MGAT4C: variants seen among roughly 807,000 people sequenced by gnomAD.
MGAT4C encodes alpha-1,3-mannosyl-glycoprotein 4-beta-N-acetylglucosaminyltransferase C.
MGAT4C carries 19 observed loss-of-function variants against 40.1 expected under a neutral mutation model. The ratio of observed to expected loss-of-function variants is 0.47; its 90% CI spans 0.33 to 0.70. The LOEUF (loss-of-function observed/expected upper bound fraction) is 0.70. Among genes scored for constraint, MGAT4C ranks in the 30% least tolerant of loss-of-function variants. The probability of loss-of-function intolerance (pLI) is 0.02; values close to 1 mark genes in which losing one functional copy is unlikely to be tolerated. For missense variants in MGAT4C, 491 were observed against 563.2 expected, an observed-to-expected ratio of 0.87 and a Z score of 1.30; for synonymous variants, 181 against 187.1, an observed-to-expected ratio of 0.97 and a Z score of 0.27.
intron 1 of MGAT4C, among the ~76,000 whole-genome samples, chr12:86,158,678 G>A (rs987663715): frequency 1.3e-5 from 2 of 152,116 alleles, no homozygotes; most frequent in African/African-American, 4.8e-5. Flanking sequence ...AAGGTCATAT[G>A]TAAGTTACAC....
At chr12:86,434,468 T>C (rs1043071420) in intron 3 of MGAT4C, among the ~76,000 whole-genome samples, 5 of 151,948 alleles carry the variant, frequency 3.3e-5, no homozygotes, top group African/African-American at 1.2e-4. Flanking sequence ...ATGCTCTCAA[T>C]ATTTATTGTC....
intron 1 of MGAT4C, among the ~76,000 whole-genome samples, chr12:86,075,294 A>G (rs1291189395): frequency 6.6e-6 from 1 of 152,118 alleles, no homozygotes; most frequent in Non-Finnish European, 1.5e-5. Context: ...TCCCAAAATG[A>G]TCTCTCTTGA....
At chr12:86,525,542 G>T (rs1264374582) in intron 2 of MGAT4C, among the ~76,000 whole-genome samples, 1 of 152,214 alleles carries the variant, frequency 6.6e-6, no homozygotes, top group South Asian at 2.1e-4. Flanking sequence ...AGGGTTCTTG[G>T]ATTGGTTCTT....
Position 86,142,234 on chromosome 12 carries a change from G to A in MGAT4C, c.-56-92511C>T, listed in dbSNP as rs117353461. ...TAAACAGGAAGGTGGTCATGTGGAT[G>A]TGAAGAGAGAAAGTGAGGCCACACA... On this transcript the variant is annotated intron_variant, in intron 1 of 4. Coordinates refer to ENST00000611864, the MANE Select transcript of MGAT4C (RefSeq NM_001351288.2). 1.8e-4 allele frequency among the ~76,000 whole-genome samples: 28 copies of A among 152,278 alleles called. No homozygotes were observed. The East Asian group carries it at 5.2e-3, about 28-fold the overall frequency.
At chr12:86,608,382 C>G (rs1357127785) in intron 2 of MGAT4C, among the ~76,000 whole-genome samples, 1 of 151,974 alleles carries the variant, frequency 6.6e-6, no homozygotes, top group Non-Finnish European at 1.5e-5. Context: ...AGTTCGAGAC[C>G]AGCCTGGGCA....
At chr12:86,115,703 G>C (rs1878299460) in intron 1 of MGAT4C, among the ~76,000 whole-genome samples, 1 of 151,996 alleles carries the variant, frequency 6.6e-6, no homozygotes, top group African/African-American at 2.4e-5. Context: ...GTTCTGAAAA[G>C]AATACATTAG....
At chr12:86,352,589 C>T (rs1477022804) in intron 3 of MGAT4C, among the ~76,000 whole-genome samples, 2 of 152,058 alleles carry the variant, frequency 1.3e-5, no homozygotes, top group Non-Finnish European at 2.9e-5. Context: ...CCTTTTATGA[C>T]CACATAGGGT....
chr12:86,234,041 T>C (rs973834856), intron 1 of MGAT4C, among the ~76,000 whole-genome samples: 1 of 152,172 alleles, frequency 6.6e-6, no homozygotes, highest in African/African-American at 2.4e-5. Flanking sequence ...TTTCAAATAA[T>C]GTATGCTATC....
chr12:86,072,248 G>A (rs921791884), intron 1 of MGAT4C, among the ~76,000 whole-genome samples: 2 of 152,056 alleles, frequency 1.3e-5, no homozygotes, highest in Non-Finnish European at 2.9e-5. Context: ...ATAGAGGACT[G>A]TCACTAAACT....
chr12:85,994,696 C>T (rs1886412614), intron 2 of MGAT4C, among the ~76,000 whole-genome samples: 1 of 151,924 alleles, frequency 6.6e-6, no homozygotes, highest in Non-Finnish European at 1.5e-5. Flanking sequence ...GACAAAATTA[C>T]TATGAAAAGG....
At chr12:86,281,247 T>A (rs1013172338) in intron 4 of MGAT4C, among the ~76,000 whole-genome samples, 1 of 152,112 alleles carries the variant, frequency 6.6e-6, no homozygotes, top group African/African-American at 2.4e-5. Flanking sequence ...TTAAGAAACT[T>A]ACATTGGTAT....
At chr12:86,149,893 A>G (rs1213534603) in intron 1 of MGAT4C, among the ~76,000 whole-genome samples, 1 of 152,208 alleles carries the variant, frequency 6.6e-6, no homozygotes, top group Non-Finnish European at 1.5e-5. Context: ...TAAAATGGTA[A>G]ATTAAAAACT....
At chr12:86,694,817 G>A (rs1211263968) in intron 2 of MGAT4C, among the ~76,000 whole-genome samples, 1 of 152,078 alleles carries the variant, frequency 6.6e-6, no homozygotes, top group Non-Finnish European at 1.5e-5. Flanking sequence ...AAACTACAAC[G>A]AGAAAACCTC....
chr12:86,344,397 T>C (rs1954971175), intron 3 of MGAT4C, among the ~76,000 whole-genome samples: 1 of 152,202 alleles, frequency 6.6e-6, no homozygotes. Flanking sequence ...ACTCTTTTTA[T>C]TCCTTGACAG....
At chr12:86,791,336 C>G (rs1179865963) in intron 1 of MGAT4C, among the ~76,000 whole-genome samples, 1 of 151,940 alleles carries the variant, frequency 6.6e-6, no homozygotes, top group East Asian at 1.9e-4. Flanking sequence ...CAAACACCAT[C>G]TTGGAAAGGA....
At chr12:85,989,353 A>G in intron 3 of MGAT4C, 47 bp downstream of exon 3, 1 of 1,504,766 alleles carries the variant, frequency 6.6e-7, no homozygotes, top group East Asian at 2.3e-5. Flanking sequence ...TTCTTGTTTG[A>G]CTTATGCCTT....
Position 85,965,439 on chromosome 12 carries a change from T to C in MGAT4C, c.*13850A>G, listed in dbSNP as rs1424827875. ...GGTGAAACCCCGTCTCTACTAAAAA[T>C]ACAAAAAATTAGCCGGGCGTGGTGG... On this transcript the variant is annotated 3_prime_UTR_variant, in exon 5 of 5. Coordinates refer to ENST00000611864, the MANE Select transcript of MGAT4C (RefSeq NM_001351288.2). 1 of 151,242 alleles carries C rather than the reference T, an allele frequency of 6.6e-6. No individual in the cohort carries two copies. Among genetic ancestry groups the C allele is most frequent in the Non-Finnish European group, 1.5e-5 (1 of 67,894 alleles). The allele number at this position is 151,242 out of a possible 1,614,324, so 9.4% of individuals were successfully genotyped here.
intron 2 of MGAT4C, among the ~76,000 whole-genome samples, chr12:86,583,049 T>C (rs1960858658): frequency 6.6e-6 from 1 of 151,322 alleles, no homozygotes; most frequent in African/African-American, 2.4e-5. Context: ...TATATTATAT[T>C]GCCTCCGGCT....
rs1482195463 is a variant in MGAT4C at position 86,344,748 on chromosome 12, GTGTGTGTA to G, written c.-119-10629_-119-10622del. ...TGTGTGTGTGTGTGTGTGTGTGTGT[GTGTGTGTA>G]TGTGTGTGTGTGTGTGTGTAGCGGC... On this transcript the variant is annotated intron_variant, in intron 3 of 7. Transcript: ENST00000548651. 1.1e-3 allele frequency among the ~76,000 whole-genome samples: 127 copies of G among 117,756 alleles called. 1 individual carries two copies. The highest frequency in any genetic ancestry group is 3.7e-3 in the African/African-American group (118 of 32,196). 77.3% of individuals were successfully genotyped at this position (117,756 alleles called of 152,430 possible).
Sources: allele counts gnomAD v4.1 joint callset (sites outside exome capture counted in the v4.1 genomes callset), GRCh38; gene constraint gnomAD v4.1.1; transcripts MANE v1.5; gene names NCBI Gene and HGNC (gene_info 2026-07-23, HGNC 2026-07-21).